Variants in CIC observed in about 807,000 individuals in gnomAD.
CIC encodes protein capicua homolog.
In CIC, 18 loss-of-function variants were observed where a neutral mutation model predicts 115.7. That is an observed-to-expected ratio of 0.16 (90% confidence interval 0.11 to 0.23). The LOEUF is 0.23. Among genes scored for constraint, CIC ranks in the 10% least tolerant of loss-of-function variants. The pLI, the probability that CIC is intolerant of heterozygous loss-of-function variation, is 1.00. For synonymous variants in CIC, 1,076 were observed against 923.0 expected (o/e 1.17, Z -3.01); for missense variants, 2,000 against 2,159.3 (o/e 0.93, Z 1.46).
intron 2 of CIC, chr19:42,284,033 C>CG (rs1298110791): frequency 9.1e-6 from 1 of 109,532 alleles, no homozygotes; most frequent in Non-Finnish European, 2.1e-5. Context: ...GGAGGCGCGG[C>CG]GGGGGGAGGG....
chr19:42,281,623 T>C (rs950612640), intron 2 of CIC, among the ~76,000 whole-genome samples: 1 of 152,166 alleles, frequency 6.6e-6, no homozygotes, highest in African/African-American at 2.4e-5. Context: ...CCCTCCCCTC[T>C]GCTCCTAATC....
chr19:42,269,740 T>G (rs2036698771), intron 1 of CIC, among the ~76,000 whole-genome samples: 1 of 104,420 alleles, frequency 9.6e-6, no homozygotes, highest in Admixed American at 1.3e-4. Flanking sequence ...GTGACAGAGA[T>G]AAATGGGGGT....
At chr19:42,288,854 A>G (rs1335081699) in intron 7 of CIC, 34 bp from the exon 8 acceptor site, 22 of 1,586,454 alleles carry the variant, frequency 1.4e-5, no homozygotes, top group Non-Finnish European at 1.8e-5. Flanking sequence ...TGACAGGCTT[A>G]CTGACTGTCA....
rs2147278890 is a variant in CIC, at chr19:42,291,603, C to T, written c.5471C>T (p.Ala1824Val). 1 of 1,613,004 alleles carries T rather than the reference C, an allele frequency of 6.2e-7. No homozygotes were observed. Residue 1824 changes from alanine to valine, a missense_variant, in exon 12 of 21, where the codon GCC becomes GTC. Around this residue, in one of 8 missense-constraint regions of CIC, gnomAD observed 1,466 missense variants for 1,390.4 expected, o/e 1.05. Transcript: ENST00000681038. ...PVQAPPPGGSAQLLPGKVLVP... is the reference protein window; with the variant it reads ...PVQAPPPGGSVQLLPGKVLVP... ...CAGGCCCCGCCCCCGGGTGGCTCAG[C>T]CCAGCTGCTGCCTGGGAAGGTCCTA... is the stretch of plus-strand genomic sequence containing the variant.
In CIC at chr19:42,289,054, A is replaced by C. The variant is rs770141594; in HGVS notation, c.3825A>C (p.Gly1275=). The C allele has an allele frequency of 1.7e-5, 28 of 1,613,706 alleles. No homozygotes were observed. Among genetic ancestry groups the C allele is most frequent in the Non-Finnish European group, 2.1e-5 (25 of 1,180,038 alleles). The change falls in exon 8 of 21, where the codon GGA becomes GGC. Residue 1275 remains glycine (G), a synonymous_variant. Coordinates refer to ENST00000681038, the MANE Select transcript of CIC (RefSeq NM_001386298.1). ...SHSGVHSLDG[G]EVDSQALQEL... is the part of the protein sequence containing the mutation. ...GCGGGGTACACAGCCTGGACGGCGGAGAAGTAGACAGTCAGGCGCTACAGG... is the reference window on the plus strand; with the variant it reads ...GCGGGGTACACAGCCTGGACGGCGGCGAAGTAGACAGTCAGGCGCTACAGG...
At chr19:42,269,022 T>TC (rs935758803), upstream of CIC, among the ~76,000 whole-genome samples, 6 of 152,118 alleles carry the variant, frequency 3.9e-5, no homozygotes, top group African/African-American at 1.4e-4. Context: ...CCTAGGCAGA[T>TC]CAGGCAGTCG....
Position 42,276,004 on chromosome 19 carries a change from G to A in CIC, c.2794+1427G>A, listed in dbSNP as rs186813099. ...TCAGGGATGGGGTGGAGGAAGCCAG[G>A]AGGCCGTGGGAGCCCAGAGAAGATG... On this transcript the variant is annotated intron_variant, in intron 2 of 20. Transcript: ENST00000681038. Among the ~76,000 whole-genome samples, 202 of 152,304 alleles carry A rather than the reference G, an allele frequency of 1.3e-3. 1 individual carries two copies. The highest frequency in any genetic ancestry group is 4.6e-3 in the African/African-American group (190 of 41,546).
chr19:42,274,965 A>AAAT (rs1425902202), intron 2 of CIC, among the ~76,000 whole-genome samples: 2 of 152,188 alleles, frequency 1.3e-5, no homozygotes, highest in African/African-American at 4.8e-5. Flanking sequence ...TGAGCTTGCC[A>AAAT]AATTTTCACA....
chr19:42,289,499 T>C (rs760739542), intron 9 of CIC, 93 bp downstream of exon 9: 11 of 1,357,418 alleles, frequency 8.1e-6, no homozygotes, highest in Non-Finnish European at 9.2e-6. Context: ...CTAGGCCCCT[T>C]TGTTTTCTTT....
In CIC at chr19:42,294,869, C is replaced by T. The variant is rs1171990316; in HGVS notation, c.7232C>T (p.Pro2411Leu). 2 of 1,600,914 alleles carry T rather than the reference C, an allele frequency of 1.2e-6. No individual in the cohort carries two copies. The highest frequency in any genetic ancestry group is 1.7e-6 in the Non-Finnish European group (2 of 1,179,962). Reference sequence around the variant, plus strand: ...CAGGCCCGCTATGCAGACATCTTTCCCTCCAAGGTTTGTCTGCAGTTGAAG... The same window carrying T: ...CAGGCCCGCTATGCAGACATCTTTCTCTCCAAGGTTTGTCTGCAGTTGAAG... ...AFQARYADIF[P>L]SKVCLQLKIR... The change falls in exon 21 of 21, where the codon CCC becomes CTC. Residue 2411 changes from proline to leucine, a missense_variant. This residue lies in a region of CIC where 17 missense variants were observed against 17.8 expected (regional missense o/e 0.95). Transcript: ENST00000681038.
At position 42,274,423 on chromosome 19, in the gene CIC, C is replaced by T. The variant is rs1429082259; in HGVS notation, c.2640C>T (p.Ala880=). ...TVPPAAPTAV[A]QPMPAFGLAS... ...CTCCAGCTGCACCAACTGCCGTGGCCCAGCCGATGCCCGCCTTTGGCCTGG... is the reference window on the plus strand; with the variant it reads ...CTCCAGCTGCACCAACTGCCGTGGCTCAGCCGATGCCCGCCTTTGGCCTGG... The change falls in exon 2 of 21, where the codon GCC becomes GCT. Residue 880 remains alanine (A), a synonymous_variant. Transcript: ENST00000681038. 25 of 398,928 alleles carry T rather than the reference C, an allele frequency of 6.3e-5. No individual in the cohort carries two copies. In the East Asian group the frequency reaches 8.9e-4, roughly 14 times the overall value. The allele number at this position is 398,928 out of a possible 1,614,324, so 24.7% of individuals were successfully genotyped here. A position where few individuals can be genotyped will look rare whatever the true frequency, so the allele number is the denominator to read the frequency against.
rs78775451 is a variant in CIC at position 42,279,971 on chromosome 19, C to G, written c.2794+5394C>G. 7.5e-3 allele frequency: 1,145 copies of G among 152,858 alleles called. 82 individuals are homozygous for G. In the East Asian group the frequency reaches 0.13, roughly 17 times the overall value. 9.5% of individuals were successfully genotyped at this position (152,858 alleles called of 1,614,324 possible). A position where few individuals can be genotyped will look rare whatever the true frequency, so the allele number is the denominator to read the frequency against. Reference sequence around the variant, plus strand: ...CGGCAGGCGGCGGCGGGACAGCAGGCGCGCGCATGCGCGGCAGAGGGGGTT... The same window carrying G: ...CGGCAGGCGGCGGCGGGACAGCAGGGGCGCGCATGCGCGGCAGAGGGGGTT... On this transcript the variant is annotated intron_variant, in intron 2 of 20. Transcript: ENST00000681038.
chr19:42,274,905 A>G (rs9636121), intron 2 of CIC, among the ~76,000 whole-genome samples: 11,538 of 152,104 alleles, frequency 0.076, 525 homozygotes, highest in Middle Eastern at 0.17. Context: ...CAGCTTCCAC[A>G]TCTTGGGGGA....
intron 2 of CIC, 112 bp from the exon 3 acceptor site, chr19:42,286,659 G>T: frequency 2.9e-6 from 4 of 1,390,374 alleles, no homozygotes; most frequent in Non-Finnish European, 4.0e-6. Context: ...GGTGTTGGGG[G>T]TGGGGGGTAG....
At chr19:42,285,596 G>A (rs542252437) in intron 2 of CIC, among the ~76,000 whole-genome samples, 2 of 152,348 alleles carry the variant, frequency 1.3e-5, no homozygotes, top group East Asian at 3.9e-4. Flanking sequence ...GGCATGGGGA[G>A]GTCACCTCAG....
chr19:42,273,904 G>C lies in CIC; in HGVS notation c.2121G>C (p.Val707=). The C allele has an allele frequency of 2.5e-6, 1 of 398,434 alleles. No individual in the cohort carries two copies. Among genetic ancestry groups the C allele is most frequent in the Non-Finnish European group, 4.4e-6 (1 of 226,042 alleles). 24.7% of individuals were successfully genotyped at this position (398,434 alleles called of 1,614,324 possible). The change falls in exon 2 of 21, where the codon GTG becomes GTC. Residue 707 remains valine (V), a synonymous_variant. Transcript: ENST00000681038. ...PTFQTNLTFT[V]PISPGRRKTE... Reference sequence around the variant, plus strand: ...TCCAGACCAACCTGACCTTCACCGTGCCCATCAGCCCTGGGCGACGGAAGA... The same window carrying C: ...TCCAGACCAACCTGACCTTCACCGTCCCCATCAGCCCTGGGCGACGGAAGA...
At chr19:42,285,627 G>A (rs761426860) in intron 2 of CIC, among the ~76,000 whole-genome samples, 12 of 152,210 alleles carry the variant, frequency 7.9e-5, no homozygotes, top group Non-Finnish European at 1.8e-4. Flanking sequence ...TCCGGATCAA[G>A]GGAAGGCCTG....
rs1449941382 is a variant in CIC, at chr19:42,289,866, C to T, written c.4106C>T (p.Thr1369Ile). The stretch of plus-strand genomic sequence containing the variant: ...CCCTCAGCTGACGATGGCTTCGGCA[C>T]CACTGACATTGATCTCAAGTGCAAG... ...DDVIADDGFG[T>I]TDIDLKCKER... is the part of the protein sequence containing the mutation. The change falls in exon 10 of 21, where the codon ACC becomes ATC. Residue 1369 changes from threonine to isoleucine, a missense_variant. Physicochemically the swap from Thr to Ile is moderately conservative, Grantham distance 89. Transcript: ENST00000681038. 6.2e-7 allele frequency: 1 copy of T among 1,606,778 alleles called. No individual in the cohort carries two copies. The highest frequency in any genetic ancestry group is 8.5e-7 in the Non-Finnish European group (1 of 1,176,902).
rs749663065 is a variant in CIC at position 42,292,555 on chromosome 19, C to G, written c.5903-11C>G. The G allele has an allele frequency of 1.2e-6, 2 of 1,612,792 alleles. No individual in the cohort carries two copies. The highest frequency in any genetic ancestry group is 1.7e-6 in the Non-Finnish European group (2 of 1,179,762). On this transcript the variant is annotated splice_polypyrimidine_tract_variant and intron_variant, in intron 14 of 20. Transcript: ENST00000681038. ...AACTTGGTCTCCTGCTTCTTCTTCTCTGTCTTTCAGCAGGCCAAGCCCCAC... is the reference window on the plus strand; with the variant it reads ...AACTTGGTCTCCTGCTTCTTCTTCTGTGTCTTTCAGCAGGCCAAGCCCCAC...
Sources: allele counts gnomAD v4.1 joint callset (sites outside exome capture counted in the v4.1 genomes callset), GRCh38; gene constraint gnomAD v4.1.1; regional missense constraint gnomAD v4.1.1; transcripts MANE v1.5; gene names NCBI Gene and HGNC (gene_info 2026-07-23, HGNC 2026-07-21).